Variants in ZNF804B observed in about 807,000 individuals in gnomAD.
ZNF804B encodes zinc finger 804B.
ZNF804B carries 80 observed loss-of-function variants against 101.4 expected under a neutral mutation model. The ratio of observed to expected loss-of-function variants is 0.79; its 90% CI spans 0.66 to 0.95. ZNF804B has a LOEUF of 0.95. Among genes scored for constraint, ZNF804B ranks in the 40% least tolerant of loss-of-function variants. ZNF804B has a pLI of 0.00. For synonymous variants in ZNF804B, 622 were observed against 558.8 expected (o/e 1.11, Z -1.59); for missense variants, 1,673 against 1,561.9 (o/e 1.07, Z -1.20).
At chr7:88,960,029 C>T (rs1272077015) in intron 1 of ZNF804B, among the ~76,000 whole-genome samples, 1 of 151,172 alleles carries the variant, frequency 6.6e-6, no homozygotes, top group Non-Finnish European at 1.5e-5. Flanking sequence ...AATAATTTGC[C>T]CTGAAGAAGA....
rs1367891201 is a variant in ZNF804B at position 89,335,637 on chromosome 7, A to T, written c.2655A>T (p.Lys885Asn). Residue 885 changes from lysine to asparagine, a missense_variant, in exon 4 of 4, where the codon AAA (lysine) becomes AAT (asparagine). Lys to Asn is a moderately conservative substitution (Grantham distance 94). Transcript: ENST00000333190. ...GCCCTCACATTTGTGATCTGGGAAA[A>T]GTCAGGCCCATGAAGTGTAACTCCG... ...LGSPHICDLG[K>N]VRPMKCNSGN... 6.2e-7 allele frequency: 1 copy of T among 1,614,020 alleles called. No homozygotes were observed. The highest frequency in any genetic ancestry group is 1.7e-5 in the Admixed American group (1 of 59,956).
chr7:89,334,955 C>A lies in ZNF804B; in HGVS notation c.1973C>A (p.Ser658Tyr). The A allele has an allele frequency of 6.2e-7, 1 of 1,613,918 alleles. No homozygotes were observed. Among genetic ancestry groups the A allele is most frequent in the Non-Finnish European group, 8.5e-7 (1 of 1,179,908 alleles). Residue 658 changes from serine to tyrosine, a missense_variant, in exon 4 of 4, where the codon TCC becomes TAC. Transcript: ENST00000333190. ...GATGAAAGACAATTCAACTGCAAGT[C>A]CAGTCCTTGTACAGTAGGGGGTCAC... Reference protein sequence around the residue: ...FEDERQFNCKSSPCTVGGHSD... With the variant: ...FEDERQFNCKYSPCTVGGHSD...
intron 1 of ZNF804B, among the ~76,000 whole-genome samples, chr7:89,155,591 C>T (rs571401419): frequency 4.5e-4 from 69 of 152,238 alleles, no homozygotes; most frequent in African/African-American, 1.5e-3. Context: ...CCATTTTCTC[C>T]TGAATCAGGT....
At chr7:89,179,280 G>T (rs1447367965) in intron 1 of ZNF804B, among the ~76,000 whole-genome samples, 4 of 151,834 alleles carry the variant, frequency 2.6e-5, no homozygotes, top group Non-Finnish European at 5.9e-5. Context: ...CCACTGTAAG[G>T]CCAATAACTT....
chr7:89,250,284 C>A (rs1442360268), intron 2 of ZNF804B, among the ~76,000 whole-genome samples: 1 of 151,940 alleles, frequency 6.6e-6, no homozygotes, highest in Non-Finnish European at 1.5e-5. Context: ...ATACCAAAGA[C>A]CCTCAGATAT....
At chr7:88,868,571 T>G (rs142506531) in intron 1 of ZNF804B, among the ~76,000 whole-genome samples, 2 of 152,200 alleles carry the variant, frequency 1.3e-5, no homozygotes, top group Non-Finnish European at 2.9e-5. Flanking sequence ...CAGCTTAATG[T>G]TCTTGGCAAT....
intron 1 of ZNF804B, among the ~76,000 whole-genome samples, chr7:88,889,989 A>G (rs1289695938): frequency 6.6e-6 from 1 of 152,146 alleles, no homozygotes; most frequent in Admixed American, 6.6e-5. Context: ...ATTCTTCTAC[A>G]TGTGGCTAGC....
chr7:88,936,514 T>C (rs1016861062), intron 1 of ZNF804B, among the ~76,000 whole-genome samples: 2 of 151,956 alleles, frequency 1.3e-5, no homozygotes, highest in Admixed American at 1.3e-4. Context: ...ATGTAGGCAA[T>C]TGAGAGGGGT....
rs146413264 is a variant in ZNF804B at position 89,273,144 on chromosome 7, C to A, written c.250-54200C>A. Among the ~76,000 whole-genome samples the A allele has an allele frequency of 3.2e-3, 484 of 152,160 alleles. 5 individuals are homozygous for A. Among genetic ancestry groups the A allele is most frequent in the Admixed American group, 0.022 (334 of 15,246 alleles). On this transcript the variant is annotated intron_variant, in intron 2 of 3. Transcript: ENST00000333190. ...ACTATGTCATCATAAAAATGCACAA[C>A]CCTTCAAAAGTAGTTTTGAGGATTT...
intron 2 of ZNF804B, among the ~76,000 whole-genome samples, chr7:89,318,880 AC>A (rs1286562630): frequency 2.0e-5 from 3 of 151,898 alleles, no homozygotes; most frequent in Admixed American, 1.3e-4. Flanking sequence ...TTCAGAGCTG[AC>A]AGCCCCGAAC....
chr7:89,007,629 A>G (rs1483794253), intron 1 of ZNF804B, among the ~76,000 whole-genome samples: 1 of 143,648 alleles, frequency 7.0e-6, no homozygotes, highest in Non-Finnish European at 1.5e-5. Flanking sequence ...TTATAAATAT[A>G]TATATTTTTG....
intron 1 of ZNF804B, among the ~76,000 whole-genome samples, chr7:89,048,025 G>T (rs892836389): frequency 6.6e-6 from 1 of 151,898 alleles, no homozygotes; most frequent in Admixed American, 6.6e-5. Context: ...TTCTTTAGTG[G>T]TGATTTTGGT....
At chr7:89,092,833 C>G (rs958989566) in intron 1 of ZNF804B, among the ~76,000 whole-genome samples, 3 of 152,136 alleles carry the variant, frequency 2.0e-5, no homozygotes, top group Admixed American at 2.0e-4. Flanking sequence ...TACAGTTCAT[C>G]TTATACATTT....
chr7:88,837,585 A>G (rs991492845), intron 1 of ZNF804B, among the ~76,000 whole-genome samples: 2 of 152,010 alleles, frequency 1.3e-5, no homozygotes, highest in Non-Finnish European at 2.9e-5. Flanking sequence ...GTAACAGGGC[A>G]TAATAATATT....
chr7:89,220,002 T>TACATATATGTGTGCATACATGTATATAC (rs1491540820), intron 2 of ZNF804B, among the ~76,000 whole-genome samples: 5 of 27,570 alleles, frequency 1.8e-4, no homozygotes, highest in Admixed American at 6.5e-4. Context: ...TATATGTATA[T>TACATATATGTGTGCATACATGTATATAC]GCACATATAT....
At position 89,135,220 on chromosome 7, in the gene ZNF804B, AC is replaced by A. The variant is rs569692098; in HGVS notation, c.109-82933del. Among the ~76,000 whole-genome samples the A allele has an allele frequency of 3.3e-5, 5 of 152,214 alleles. No individual in the cohort carries two copies. In the South Asian group the frequency reaches 1.0e-3, roughly 32 times the overall value. ...CAAGATACTTTTCCTGATTTGTAAA[AC>A]CTGAGAAAGTTGGGCATTCTCTTAT... On this transcript the variant is annotated intron_variant, in intron 1 of 3. Transcript: ENST00000333190.
intron 1 of ZNF804B, among the ~76,000 whole-genome samples, chr7:89,021,605 G>T (rs1788669277): frequency 6.6e-6 from 1 of 152,198 alleles, no homozygotes; most frequent in South Asian, 2.1e-4. Context: ...TTTGCTGGAG[G>T]TGGCCTGTCA....
intron 1 of ZNF804B, among the ~76,000 whole-genome samples, chr7:89,116,250 G>A (rs1790311220): frequency 6.6e-6 from 1 of 152,002 alleles, no homozygotes; most frequent in Non-Finnish European, 1.5e-5. Flanking sequence ...AGAAAGTAAA[G>A]ACCGTGATTC....
At chr7:88,887,902 A>G (rs1040043658) in intron 1 of ZNF804B, among the ~76,000 whole-genome samples, 15 of 152,158 alleles carry the variant, frequency 9.9e-5, no homozygotes, top group African/African-American at 3.4e-4. Context: ...ATATTCTTTA[A>G]AAAACACAGG....
Sources: allele counts gnomAD v4.1 joint callset (sites outside exome capture counted in the v4.1 genomes callset), GRCh38; gene constraint gnomAD v4.1.1; transcripts MANE v1.5; gene names NCBI Gene and HGNC (gene_info 2026-07-23, HGNC 2026-07-21).